Variants in N4BP2L1 observed in about 807,000 individuals in gnomAD.
N4BP2L1 encodes NEDD4 binding protein 2 like 1.
In N4BP2L1, 12 loss-of-function variants were observed where a neutral mutation model predicts 21.2. The ratio of observed to expected loss-of-function variants is 0.57; its 90% CI spans 0.36 to 0.92. The LOEUF (loss-of-function observed/expected upper bound fraction) is 0.92. N4BP2L1 is among the 40% of genes least tolerant of loss of function. The pLI is 0.01. For missense variants in N4BP2L1, 259 were observed against 310.6 expected (o/e 0.83, Z 1.25); for synonymous variants, 104 against 112.8 (o/e 0.92, Z 0.49).
chr13:32,421,044 G>A (rs1005425975), intron 1 of N4BP2L1, among the ~76,000 whole-genome samples: 4 of 152,100 alleles, frequency 2.6e-5, no homozygotes, highest in African/African-American at 7.2e-5. Context: ...CTTTGGTTTC[G>A]TTCTTTACTC....
At position 32,401,326 on chromosome 13, in the gene N4BP2L1, A is replaced by C. The variant is rs1164573375; in HGVS notation, c.*1616T>G. The C allele has an allele frequency of 6.6e-6, 1 of 152,178 alleles. No individual in the cohort carries two copies. The highest frequency in any genetic ancestry group is 1.5e-5 in the Non-Finnish European group (1 of 68,036). The allele number at this position is 152,178 out of a possible 1,614,324, so 9.4% of individuals were successfully genotyped here. On this transcript the variant is annotated 3_prime_UTR_variant, in exon 5 of 5. Coordinates refer to ENST00000380130, the MANE Select transcript of N4BP2L1 (RefSeq NM_052818.3). ...GCATTATTAAGTAGATCATTAGGAG[A>C]TTATTTTATGTTGTGCTTGGAGATA... is the stretch of plus-strand genomic sequence containing the variant.
At chr13:32,407,453 T>G in intron 2 of N4BP2L1, 115 bp from the exon 3 acceptor site, 1 of 1,589,752 alleles carries the variant, frequency 6.3e-7, no homozygotes, top group Non-Finnish European at 8.6e-7. Context: ...ATCACACAAC[T>G]TCAGAGCCCA....
chr13:32,424,831 T>C (rs751991124), intron 1 of N4BP2L1: 5 of 152,236 alleles, frequency 3.3e-5, no homozygotes, highest in Non-Finnish European at 5.9e-5. Context: ...AGAATTTAAA[T>C]AGATGTTTTT....
chr13:32,427,786 AGGCACCCGCGGCG>A, intron 1 of N4BP2L1, 105 bp downstream of exon 1: 1 of 522,952 alleles, frequency 1.9e-6, no homozygotes, highest in Non-Finnish European at 2.8e-6. Flanking sequence ...GGGCCGCGGC[AGGCACCCGCGGCG>A]GGGGCGCAAG....
intron 2 of N4BP2L1, 145 bp downstream of exon 2, chr13:32,407,500 G>C: frequency 6.3e-7 from 1 of 1,582,404 alleles, no homozygotes; most frequent in Non-Finnish European, 8.6e-7. Flanking sequence ...GGAATCTAAG[G>C]AGGTTATGCT....
intron 1 of N4BP2L1, among the ~76,000 whole-genome samples, chr13:32,410,071 C>T (rs1453764145): frequency 6.6e-6 from 1 of 152,228 alleles, no homozygotes; most frequent in East Asian, 1.9e-4. Context: ...GGATAGTTCT[C>T]AGACGCTGGG....
At chr13:32,415,580 CACTT>C (rs984618690) in intron 1 of N4BP2L1, among the ~76,000 whole-genome samples, 39 of 152,290 alleles carry the variant, frequency 2.6e-4, no homozygotes, top group Admixed American at 8.5e-4. Context: ...AAAATTCTAA[CACTT>C]ACTTTAGATT....
chr13:32,427,988 C>T lies in N4BP2L1; in HGVS notation c.95G>A (p.Gly32Glu). ...AAAGCTGTGGCGGCGAGGAGGTGTCCCCCGCGGGGGCGGCCGGGGCGGCCG... is the reference window on the plus strand; with the variant it reads ...AAAGCTGTGGCGGCGAGGAGGTGTCTCCCGCGGGGGCGGCCGGGGCGGCCG... ...RQRPPRPPPRGTPPRRHSFRK... is the reference protein window; with the variant it reads ...RQRPPRPPPRETPPRRHSFRK... The change falls in exon 1 of 5, where the codon GGG becomes GAG. Residue 32 changes from glycine to glutamate, a missense_variant. Gly to Glu is a moderately conservative substitution (Grantham distance 98). Around this residue, in one of 3 missense-constraint regions of N4BP2L1, gnomAD observed 60 missense variants for 54.7 expected, o/e 1.10. Transcript: ENST00000380130. 6.4e-7 allele frequency: 1 copy of T among 1,555,612 alleles called. No homozygotes were observed. The highest frequency in any genetic ancestry group is 1.4e-5 in the African/African-American group (1 of 71,306).
At chr13:32,419,239 CTTTTTT>C (rs34280009) in intron 1 of N4BP2L1, among the ~76,000 whole-genome samples, 1 of 61,320 alleles carries the variant, frequency 1.6e-5, no homozygotes, top group African/African-American at 7.7e-5. Context: ...CAAGATCTGG[CTTTTTT>C]TTTTTTTTTT....
intron 2 of N4BP2L1, 89 bp from the exon 3 acceptor site, chr13:32,407,427 A>G: frequency 1.2e-6 from 2 of 1,604,726 alleles, no homozygotes; most frequent in Non-Finnish European, 1.7e-6. Context: ...TTATTACAGG[A>G]TGCCCTCATC....
chr13:32,405,467 G>A (rs889333469), intron 3 of N4BP2L1, among the ~76,000 whole-genome samples: 5 of 152,176 alleles, frequency 3.3e-5, no homozygotes, highest in African/African-American at 1.2e-4. Flanking sequence ...CTGAGATCGT[G>A]CCACTGCACT....
intron 1 of N4BP2L1, among the ~76,000 whole-genome samples, chr13:32,409,570 T>A (rs2073728526): frequency 6.6e-6 from 1 of 152,204 alleles, no homozygotes; most frequent in Non-Finnish European, 1.5e-5. Context: ...AGAAAGAAAG[T>A]AGCTGCTTTC....
intron 3 of N4BP2L1, among the ~76,000 whole-genome samples, chr13:32,406,004 G>A (rs1402018109): frequency 2.2e-5 from 3 of 139,530 alleles, no homozygotes; most frequent in Non-Finnish European, 4.5e-5. Context: ...CCGGGTTCAC[G>A]CCATTCTCCT....
At chr13:32,427,622 C>G (rs981754044) in intron 1 of N4BP2L1, among the ~76,000 whole-genome samples, 2 of 152,246 alleles carry the variant, frequency 1.3e-5, no homozygotes, top group Middle Eastern at 3.4e-3. Context: ...TCCGTCCCCC[C>G]CGGGACAGCG....
In N4BP2L1 at chr13:32,401,846, G is replaced by A. The variant is rs1264508590; in HGVS notation, c.*1096C>T. On this transcript the variant is annotated 3_prime_UTR_variant, in exon 5 of 5. Transcript: ENST00000380130. ...AAGCTGTTGGCCAACAAGAAATAGA[G>A]CATACGTCCTCTGTGGTCTTGTCTA... 6.2e-5 allele frequency: 49 copies of A among 792,072 alleles called. 1 individual carries two copies. The highest frequency in any genetic ancestry group is 1.3e-4 in the East Asian group (1 of 7,936). The allele number at this position is 792,072 out of a possible 1,614,324, so 49.1% of individuals were successfully genotyped here.
rs2073196763 is a variant in N4BP2L1 at position 32,402,504 on chromosome 13, T to TTGA, written c.*435_*437dup. The stretch of plus-strand genomic sequence containing the variant: ...AGATTATCAAAGTAGCAATGGCACT[T>TTGA]TGATAAGTAGCAATGCCCCCCCACC... On this transcript the variant is annotated 3_prime_UTR_variant, in exon 5 of 5. Coordinates refer to ENST00000380130, the MANE Select transcript of N4BP2L1 (RefSeq NM_052818.3). The TTGA allele has an allele frequency of 3.6e-6, 1 of 276,162 alleles. No homozygotes were observed. Among genetic ancestry groups the TTGA allele is most frequent in the South Asian group, 1.0e-4 (1 of 9,676 alleles). The allele number at this position is 276,162 out of a possible 1,614,324, so 17.1% of individuals were successfully genotyped here. A position where few individuals can be genotyped will look rare whatever the true frequency, so the allele number is the denominator to read the frequency against.
At chr13:32,429,361 C>T (rs2074933942), upstream of N4BP2L1, among the ~76,000 whole-genome samples, 1 of 152,202 alleles carries the variant, frequency 6.6e-6, no homozygotes, top group African/African-American at 2.4e-5. Flanking sequence ...CCTCATTCTT[C>T]TCAGCACTGC....
At position 32,401,178 on chromosome 13, in the gene N4BP2L1, T is replaced by A. The variant is rs2073110536; in HGVS notation, c.*1764A>T. On this transcript the variant is annotated 3_prime_UTR_variant, in exon 5 of 5. Coordinates refer to ENST00000380130, the MANE Select transcript of N4BP2L1 (RefSeq NM_052818.3). ...AAATCAAAGGATGGTAATTTCCACT[T>A]TGAGCTCTCTGACATTTCTCCCCTC... is the stretch of plus-strand genomic sequence containing the variant. 2 of 152,116 alleles carry A rather than the reference T, an allele frequency of 1.3e-5. No individual in the cohort carries two copies. The highest frequency in any genetic ancestry group is 1.3e-4 in the Admixed American group (2 of 15,262). The allele number at this position is 152,116 out of a possible 1,614,324, so 9.4% of individuals were successfully genotyped here.
chr13:32,428,744 T>G (rs2074923398), upstream of N4BP2L1, among the ~76,000 whole-genome samples: 1 of 152,274 alleles, frequency 6.6e-6, no homozygotes, highest in Non-Finnish European at 1.5e-5. Flanking sequence ...CAGATTGATT[T>G]ATGAACAGTA....
Sources: gnomAD v4.1 joint callset for allele counts (sites outside exome capture counted in the v4.1 genomes callset) on GRCh38, gnomAD v4.1.1 for gene constraint, gnomAD v4.1.1 regional missense constraint, MANE v1.5 for transcripts, NCBI Gene and HGNC (gene_info 2026-07-23, HGNC 2026-07-21) for gene names.